The following SLC22A14 variants were observed in gnomAD, a reference collection of about 807,000 sequenced individuals.
SLC22A14 encodes the protein organic cation transporter-like 4.
Under a neutral mutation model 53.9 loss-of-function variants are expected in SLC22A14, and 50 were observed. The ratio of observed to expected loss-of-function variants is 0.93; its 90% CI spans 0.74 to 1.17. The LOEUF is 1.17. Among genes scored for constraint, SLC22A14 ranks in the 50% most tolerant of loss-of-function variants. SLC22A14 has a pLI of 0.00. For synonymous variants in SLC22A14, 312 were observed against 303.0 expected, an observed-to-expected ratio of 1.03 and a Z score of -0.31; for missense variants, 671 against 734.7, an observed-to-expected ratio of 0.91 and a Z score of 1.00.
chr3:38,289,887 C>T (rs1354401022), intron 1 of SLC22A14, among the ~76,000 whole-genome samples: 1 of 152,190 alleles, frequency 6.6e-6, no homozygotes, highest in African/African-American at 2.4e-5. Flanking sequence ...GAAAACAGAG[C>T]TCCCATACAA....
rs368019294 is a variant in SLC22A14, at chr3:38,313,817, C to T, written c.1254C>T (p.Ile418=). Residue 418 remains isoleucine (I), a synonymous_variant, in exon 8 of 11, where the codon ATC becomes ATT. Transcript: ENST00000448498. ...SVHFRHVVPS[I]MEVPARLCCI... ...ACTTCAGACACGTGGTCCCCAGCAT[C>T]ATGGAGGTGCCTGCCCGGCTGTGCT... 8.7e-6 allele frequency: 14 copies of T among 1,614,128 alleles called. No homozygotes were observed. The highest frequency in any genetic ancestry group is 1.2e-5 in the Non-Finnish European group (14 of 1,179,990).
intron 1 of SLC22A14, among the ~76,000 whole-genome samples, chr3:38,301,450 A>T (rs4678598): frequency 0.064 from 9,772 of 152,238 alleles, 372 homozygotes; most frequent in East Asian, 0.16. Flanking sequence ...GATTTTTTTC[A>T]TTGAATGGCA....
At chr3:38,301,606 T>C (rs1704160429) in intron 1 of SLC22A14, among the ~76,000 whole-genome samples, 1 of 152,234 alleles carries the variant, frequency 6.6e-6, no homozygotes, top group Non-Finnish European at 1.5e-5. Flanking sequence ...TCTTTTCTTT[T>C]CAATCTTTAT....
At chr3:38,301,069 T>G (rs1047286110) in intron 1 of SLC22A14, among the ~76,000 whole-genome samples, 7 of 152,076 alleles carry the variant, frequency 4.6e-5, no homozygotes, top group African/African-American at 1.7e-4. Flanking sequence ...TTCTCCCCCC[T>G]CAGCCTCCCC....
chr3:38,302,434 A>C (rs895187460), intron 1 of SLC22A14, among the ~76,000 whole-genome samples: 1 of 151,440 alleles, frequency 6.6e-6, no homozygotes, highest in Non-Finnish European at 1.5e-5. Context: ...AGGCAAGCAG[A>C]TTGCTTGAGC....
chr3:38,315,750 C>T (rs371152240), intron 9 of SLC22A14, 39 bp downstream of exon 9: 71 of 1,587,938 alleles, frequency 4.5e-5, no homozygotes, highest in African/African-American at 3.6e-4. Context: ...TGGGGACATG[C>T]GCAGGGAGTG....
At chr3:38,294,143 T>C (rs1703973286) in intron 1 of SLC22A14, among the ~76,000 whole-genome samples, 1 of 151,726 alleles carries the variant, frequency 6.6e-6, no homozygotes, top group Non-Finnish European at 1.5e-5. Context: ...GTTCATTGTT[T>C]ACCCCTTTGT....
At chr3:38,296,719 A>G (rs921837549) in intron 1 of SLC22A14, among the ~76,000 whole-genome samples, 5 of 152,194 alleles carry the variant, frequency 3.3e-5, no homozygotes, top group African/African-American at 1.2e-4. Flanking sequence ...TTAGAGCTCT[A>G]TTAGAAGCTG....
chr3:38,292,766 T>A (rs1336769676), intron 1 of SLC22A14, among the ~76,000 whole-genome samples: 4 of 152,140 alleles, frequency 2.6e-5, no homozygotes, highest in African/African-American at 9.7e-5. Flanking sequence ...GGGTGTTCCT[T>A]CTCCTATGTT....
intron 1 of SLC22A14, among the ~76,000 whole-genome samples, chr3:38,286,203 T>C (rs1703788156): frequency 6.6e-6 from 1 of 152,204 alleles, no homozygotes; most frequent in South Asian, 2.1e-4. Context: ...GATTGTGCCA[T>C]TGCACTCCAG....
Position 38,306,302 on chromosome 3 carries a change from A to G in SLC22A14, c.276A>G (p.Thr92=), listed in dbSNP as rs905649969. 2.5e-6 allele frequency: 4 copies of G among 1,614,058 alleles called. No individual in the cohort carries two copies. The African/African-American group carries it at 5.3e-5, about 22-fold the overall frequency. The change falls in exon 2 of 11, where the codon ACA becomes ACG. Residue 92 remains threonine (T), a synonymous_variant. Coordinates refer to ENST00000448498, the MANE Select transcript of SLC22A14 (RefSeq NM_001320033.2). ...FFMFADHFVF[T]AQKPYCNTSW... ...TGTTTGCTGACCACTTCGTGTTCAC[A>G]GCCCAGAAGCCCTATTGCAATACCA...
chr3:38,294,829 T>C (rs1484916635), intron 1 of SLC22A14, among the ~76,000 whole-genome samples: 1 of 152,160 alleles, frequency 6.6e-6, no homozygotes, highest in Non-Finnish European at 1.5e-5. Flanking sequence ...GGGTGAGTCC[T>C]AGAGCTGGGC....
chr3:38,314,079 A>G, intron 8 of SLC22A14, 138 bp downstream of exon 8: 1 of 658,476 alleles, frequency 1.5e-6, no homozygotes, highest in Non-Finnish European at 2.6e-6. Context: ...CCCACCCCAC[A>G]GAGGCCCCAG....
intron 9 of SLC22A14, 137 bp downstream of exon 9, chr3:38,315,848 T>A: frequency 1.1e-6 from 1 of 913,780 alleles, no homozygotes; most frequent in East Asian, 2.4e-5. Flanking sequence ...TGATCTCATT[T>A]AAACACCACC....
At chr3:38,302,862 A>T (rs1320096258) in intron 1 of SLC22A14, among the ~76,000 whole-genome samples, 1 of 152,154 alleles carries the variant, frequency 6.6e-6, no homozygotes, top group Non-Finnish European at 1.5e-5. Flanking sequence ...CCCTGAAAAA[A>T]AATTATATAA....
chr3:38,301,081 A>G (rs887358289), intron 1 of SLC22A14, among the ~76,000 whole-genome samples: 1 of 152,012 alleles, frequency 6.6e-6, no homozygotes, highest in African/African-American at 2.4e-5. Flanking sequence ...AGCCTCCCCA[A>G]ATGCTGGGAT....
At chr3:38,295,798 G>A (rs1404505865) in intron 1 of SLC22A14, among the ~76,000 whole-genome samples, 8 of 149,662 alleles carry the variant, frequency 5.3e-5, no homozygotes, top group African/African-American at 2.0e-4. Flanking sequence ...CTCTCTCTCT[G>A]TCTGTCTCTC....
In SLC22A14 at chr3:38,307,164, C is replaced by T. The variant is rs957910560; in HGVS notation, c.517-90C>T. 123 of 887,068 alleles carry T rather than the reference C, an allele frequency of 1.4e-4. 1 individual carries two copies. The Admixed American group carries it at 1.9e-3, about 14-fold the overall frequency. 54.9% of individuals were successfully genotyped at this position (887,068 alleles called of 1,614,324 possible). ...TGTTAACTGCCCCTACCCCAGGTCC[C>T]CTTGGCCTATAGGTCCCACGCTGGG... On this transcript the variant is annotated intron_variant, in intron 2 of 10. Transcript: ENST00000448498. This position sits in a 1 kb window ranked among gnomAD's most constrained non-coding sequence, Gnocchi z 4.4.
chr3:38,310,797 A>C (rs1704447824), intron 5 of SLC22A14, among the ~76,000 whole-genome samples: 1 of 152,098 alleles, frequency 6.6e-6, no homozygotes, highest in African/African-American at 2.4e-5. Flanking sequence ...CCTTTAAGAC[A>C]GCAGGGTCCA....
Sources: allele counts gnomAD v4.1 joint callset (sites outside exome capture counted in the v4.1 genomes callset), GRCh38; gene constraint gnomAD v4.1.1; non-coding constraint Gnocchi (gnomAD v3.1); transcripts MANE v1.5; gene names NCBI Gene and HGNC (gene_info 2026-07-23, HGNC 2026-07-21).